The following APOB variants were observed in gnomAD, a reference collection of about 807,000 sequenced individuals.
APOB encodes the protein apolipoprotein B.
APOB carries 153 observed loss-of-function variants against 314.1 expected under a neutral mutation model. The observed-to-expected ratio is 0.49, with a 90% CI of 0.43 to 0.56. The LOEUF (loss-of-function observed/expected upper bound fraction) is 0.56. APOB is among the 20% of genes least tolerant of loss of function. APOB has a pLI of 0.00. For missense variants in APOB, 5,430 were observed against 5,350.7 expected (o/e 1.01, Z -0.46); for synonymous variants, 2,087 against 2,036.4 (o/e 1.02, Z -0.67).
chr2:21,010,212 C>G lies in APOB; in HGVS notation c.6656G>C (p.Arg2219Pro). Residue 2219 changes from arginine (R) to proline (P), a missense_variant, in exon 26 of 29, where the codon CGT (arginine) becomes CCT (proline). Physicochemically the swap from Arg to Pro is moderately radical, Grantham distance 103 (BLOSUM62 -2). This residue lies in a region of APOB where 3,281 missense variants were observed against 3,171.0 expected (regional missense o/e 1.03). Coordinates refer to ENST00000233242, the MANE Select transcript of APOB (RefSeq NM_000384.3). ...ATGGATTGTTTTTACTAAATTTACA[C>G]GGATATGATAGTGCTCATCAAGACT... ...LKSLDEHYHI[R>P]VNLVKTIHDL... The G allele has an allele frequency of 6.3e-7, 1 of 1,588,046 alleles. No individual in the cohort carries two copies. The highest frequency in any genetic ancestry group is 1.1e-5 in the South Asian group (1 of 88,548).
At chr2:21,021,024 C>G (rs1303500334) in intron 18 of APOB, among the ~76,000 whole-genome samples, 1 of 152,216 alleles carries the variant, frequency 6.6e-6, no homozygotes, top group Non-Finnish European at 1.5e-5. Flanking sequence ...CCTCTGTATA[C>G]TAATGATTCC....
intron 27 of APOB, 23 bp downstream of exon 27, chr2:21,004,538 T>G (rs572728075): frequency 1.2e-6 from 2 of 1,612,510 alleles, no homozygotes; most frequent in East Asian, 4.5e-5. Context: ...GTATAAGGTT[T>G]CAATTCAATA....
rs771555558 is a variant in APOB, at chr2:21,004,303, T to C, written c.12053A>G (p.Asp4018Gly). The change falls in exon 28 of 29, where the codon GAC (aspartate) becomes GGC (glycine). Residue 4018 changes from aspartate (D) to glycine (G), a missense_variant. Physicochemically the swap from Asp to Gly is moderately conservative, Grantham distance 94. Coordinates refer to ENST00000233242, the MANE Select transcript of APOB (RefSeq NM_000384.3). ...TVGMDMDEDD[D>G]FSKWNFYYSP... ...GTAGTAGAAGTTCCATTTAGAAAAGTCGTCATCTTCATCCATATCCATGCC... is the reference window on the plus strand; with the variant it reads ...GTAGTAGAAGTTCCATTTAGAAAAGCCGTCATCTTCATCCATATCCATGCC... The C allele has an allele frequency of 1.8e-5, 29 of 1,613,826 alleles. No individual in the cohort carries two copies. Among genetic ancestry groups the C allele is most frequent in the Middle Eastern group, 1.6e-4 (1 of 6,084 alleles).
chr2:21,031,248 G>A (rs952147515), intron 10 of APOB, among the ~76,000 whole-genome samples: 2 of 152,178 alleles, frequency 1.3e-5, no homozygotes, highest in African/African-American at 4.8e-5. Context: ...GAAATGTATA[G>A]GCAATAAAAT....
rs747305859 is a variant in APOB, at chr2:21,043,546, C to T, written c.88G>A (p.Glu30Lys). 3 of 1,603,694 alleles carry T rather than the reference C, an allele frequency of 1.9e-6. No individual in the cohort carries two copies. In the South Asian group the frequency reaches 3.4e-5, roughly 18 times the overall value. Residue 30 changes from glutamate (E) to lysine (K), a missense_variant, in exon 2 of 29, where the codon GAA (glutamate) becomes AAA (lysine). By Grantham distance (56) the Glu-to-Lys change is moderately conservative. Coordinates refer to ENST00000233242, the MANE Select transcript of APOB (RefSeq NM_000384.3). Reference sequence around the variant, plus strand: ...ACCAGGCTGACATTTTCCAGCATTTCCTCTTCTGTAAGACAGGAGAAAGAA... The same window carrying T: ...ACCAGGCTGACATTTTCCAGCATTTTCTCTTCTGTAAGACAGGAGAAAGAA... ...LLLAGARAEE[E>K]MLENVSLVCP...
In APOB at chr2:21,009,528, G is replaced by A. The variant is rs1201306484; in HGVS notation, c.7340C>T (p.Thr2447Ile). The A allele has an allele frequency of 6.8e-6, 11 of 1,613,948 alleles. No individual in the cohort carries two copies. Among genetic ancestry groups the A allele is most frequent in the Middle Eastern group, 1.6e-4 (1 of 6,084 alleles). Residue 2447 changes from threonine to isoleucine, a missense_variant, in exon 26 of 29, where the codon ACT (threonine) becomes ATT (isoleucine). Thr to Ile is a moderately conservative substitution (Grantham distance 89). This residue lies in a region of APOB where 3,281 missense variants were observed against 3,171.0 expected (regional missense o/e 1.03). Coordinates refer to ENST00000233242, the MANE Select transcript of APOB (RefSeq NM_000384.3). Reference protein sequence around the residue: ...DETNDKIREVTQRLNGEIQAL... With the variant: ...DETNDKIREVIQRLNGEIQAL... Reference sequence around the variant, plus strand: ...CTGAATTTCACCATTGAGTCTCTGAGTCACCTCACGGATTTTGTCATTGGT... The same window carrying A: ...CTGAATTTCACCATTGAGTCTCTGAATCACCTCACGGATTTTGTCATTGGT...
chr2:21,018,019 G>A (rs1223436371), intron 20 of APOB, among the ~76,000 whole-genome samples: 1 of 152,074 alleles, frequency 6.6e-6, no homozygotes, highest in Non-Finnish European at 1.5e-5. Flanking sequence ...TGCTCCTCCA[G>A]TAGCCCTTTC....
intron 15 of APOB, among the ~76,000 whole-genome samples, chr2:21,026,261 T>G (rs911190112): frequency 2.6e-5 from 4 of 151,980 alleles, no homozygotes; most frequent in African/African-American, 9.7e-5. Flanking sequence ...ACTTTTTTTT[T>G]TTTTAAGATA....
In APOB at chr2:21,011,865, T is replaced by C; in HGVS notation, c.5003A>G (p.Glu1668Gly). Reference protein sequence around the residue: ...TNLKCSLLVLENELNAELGLS... With the variant: ...TNLKCSLLVLGNELNAELGLS... ...GCCAAGCTCTGCATTCAGCTCATTC[T>C]CCAGCACCAGGAGACTACACTTCAA... The change falls in exon 26 of 29, where the codon GAG becomes GGG. Residue 1668 changes from glutamate to glycine, a missense_variant. Physicochemically the swap from Glu to Gly is moderately conservative, Grantham distance 98. Around this residue, in one of 3 missense-constraint regions of APOB, gnomAD observed 2,085 missense variants for 2,079.7 expected, o/e 1.00. Coordinates refer to ENST00000233242, the MANE Select transcript of APOB (RefSeq NM_000384.3). 6.2e-7 allele frequency: 1 copy of C among 1,614,000 alleles called. No individual in the cohort carries two copies.
chr2:21,004,696 AT>A, intron 26 of APOB, 21 bp from the exon 27 acceptor site: 1 of 1,539,042 alleles, frequency 6.5e-7, no homozygotes. Flanking sequence ...GAGATTTTGT[AT>A]TTTATTAGAT....
At chr2:21,040,170 A>C (rs891923476) in intron 4 of APOB, among the ~76,000 whole-genome samples, 17 of 152,144 alleles carry the variant, frequency 1.1e-4, no homozygotes, top group Non-Finnish European at 2.2e-4. Flanking sequence ...ATAAGATGTG[A>C]CTTGCTGTCC....
At chr2:21,026,428 T>C (rs1232524049) in intron 15 of APOB, among the ~76,000 whole-genome samples, 1 of 152,038 alleles carries the variant, frequency 6.6e-6, no homozygotes. Flanking sequence ...TTTTGTATTT[T>C]TAGTAGAGAC....
chr2:21,001,826 C>T lies in APOB; in HGVS notation c.13596G>A (p.Leu4532=). The T allele has an allele frequency of 1.9e-6, 3 of 1,614,022 alleles. No individual in the cohort carries two copies. The highest frequency in any genetic ancestry group is 2.5e-6 in the Non-Finnish European group (3 of 1,179,952). The change falls in exon 29 of 29, where the codon CTG becomes CTA. Residue 4532 remains leucine (L), a synonymous_variant. Transcript: ENST00000233242. Reference sequence around the variant, plus strand: ...TTTTCAGTAACTCCGTGATGTATATCAGAAATGTGTGGTAGTTTTGAATGG... The same window carrying T: ...TTTTCAGTAACTCCGTGATGTATATTAGAAATGTGTGGTAGTTTTGAATGG... The part of the protein sequence containing the change: ...DLSIQNYHTF[L]IYITELLKKL...
At chr2:21,019,211 T>A in intron 19 of APOB, 98 bp from the exon 20 acceptor site, 2 of 1,450,920 alleles carry the variant, frequency 1.4e-6, no homozygotes, top group Non-Finnish European at 1.9e-6. Context: ...AACAAAAATA[T>A]GGTCCTTATT....
rs1663041181 is a variant in APOB at position 21,003,228 on chromosome 2, C to G, written c.12194G>C (p.Gly4065Ala). 1 of 1,613,968 alleles carries G rather than the reference C, an allele frequency of 6.2e-7. No homozygotes were observed. Among genetic ancestry groups the G allele is most frequent in the Middle Eastern group, 1.6e-4 (1 of 6,062 alleles). Residue 4065 changes from glycine (G) to alanine (A), a missense_variant, in exon 29 of 29, where the codon GGC (glycine) becomes GCC (alanine). By Grantham distance (60) the Gly-to-Ala change is moderately conservative. Coordinates refer to ENST00000233242, the MANE Select transcript of APOB (RefSeq NM_000384.3). The stretch of plus-strand genomic sequence containing the variant: ...GTTGTCTTTCAGAGAGGTTAGCAAG[C>G]CAGAAGCTGCCTCTTCTTCCCAATT... ...KVNWEEEAAS[G>A]LLTSLKDNVP...
chr2:21,034,731 T>C, intron 8 of APOB, 85 bp downstream of exon 8: 2 of 827,214 alleles, frequency 2.4e-6, no homozygotes, highest in Non-Finnish European at 4.3e-6. Flanking sequence ...TCAGCAGACA[T>C]TTAACAGGGC....
chr2:21,016,983 C>CAAA (rs376000502), intron 20 of APOB, among the ~76,000 whole-genome samples: 18,656 of 103,564 alleles, frequency 0.18, 1,434 homozygotes, highest in Non-Finnish European at 0.22. Context: ...GACTCCATCT[C>CAAA]AAAAAATAAA....
Position 21,009,960 on chromosome 2 carries a change from G to T in APOB, c.6908C>A (p.Thr2303Asn). The T allele has an allele frequency of 1.2e-6, 2 of 1,613,652 alleles. No individual in the cohort carries two copies. The highest frequency in any genetic ancestry group is 1.7e-6 in the Non-Finnish European group (2 of 1,179,762). Residue 2303 changes from threonine (T) to asparagine (N), a missense_variant, in exon 26 of 29, where the codon ACT becomes AAT. This residue lies in a region of APOB where 3,281 missense variants were observed against 3,171.0 expected (regional missense o/e 1.03). Coordinates refer to ENST00000233242, the MANE Select transcript of APOB (RefSeq NM_000384.3). ...DVRVLLDQLG[T>N]TISFERINDI... ...ATTTATTCTTTCAAATGAAATTGTA[G>T]TTCCCAATTGATCTAAAAGCACTCT...
At position 21,003,218 on chromosome 2, in the gene APOB, G is replaced by T; in HGVS notation, c.12204C>A (p.Thr4068=). The change falls in exon 29 of 29, where the codon ACC becomes ACA. Residue 4068 remains threonine, a synonymous_variant. Transcript: ENST00000233242. ...WEEEAASGLL[T]SLKDNVPKAT... is the part of the protein sequence containing the mutation. ...CCTTGGGCACGTTGTCTTTCAGAGA[G>T]GTTAGCAAGCCAGAAGCTGCCTCTT... 1 of 1,614,022 alleles carries T rather than the reference G, an allele frequency of 6.2e-7. No homozygotes were observed. Among genetic ancestry groups the T allele is most frequent in the Non-Finnish European group, 8.5e-7 (1 of 1,179,954 alleles).
Sources: gnomAD v4.1 joint callset for allele counts (sites outside exome capture counted in the v4.1 genomes callset) on GRCh38, gnomAD v4.1.1 for gene constraint, gnomAD v4.1.1 regional missense constraint, MANE v1.5 for transcripts, NCBI Gene and HGNC (gene_info 2026-07-23, HGNC 2026-07-21) for gene names.